The following ERP27 variants were observed in gnomAD, a reference collection of about 807,000 sequenced individuals.
ERP27 encodes endoplasmic reticulum protein 27.
A neutral mutation model predicts 27.7 loss-of-function variants in ERP27; 23 were observed. That is an observed-to-expected ratio of 0.83 (90% CI 0.60 to 1.18). The LOEUF is 1.18. ERP27 is among the 50% of genes most tolerant of loss of function. The probability of loss-of-function intolerance (pLI) is 0.00; values close to 1 mark genes in which losing one functional copy is unlikely to be tolerated. For missense variants in ERP27, 363 were observed against 327.9 expected (o/e 1.11, Z -0.83); for synonymous variants, 159 against 118.3 (o/e 1.34, Z -2.23).
At chr12:14,931,588 A>G (rs1297239431) in intron 3 of ERP27, among the ~76,000 whole-genome samples, 2 of 152,190 alleles carry the variant, frequency 1.3e-5, no homozygotes, top group Non-Finnish European at 2.9e-5. Context: ...CCAAGAGTTC[A>G]TTTAGACTAG....
chr12:14,926,163 A>G (rs1863599381), intron 3 of ERP27, among the ~76,000 whole-genome samples: 1 of 152,246 alleles, frequency 6.6e-6, no homozygotes, highest in Admixed American at 6.5e-5. Flanking sequence ...TAGTATCAGT[A>G]CATGTATTTG....
chr12:14,915,275 T>C (rs1339302920), intron 6 of ERP27, among the ~76,000 whole-genome samples: 1 of 152,208 alleles, frequency 6.6e-6, no homozygotes, highest in Non-Finnish European at 1.5e-5. Context: ...TCTACTCTTC[T>C]AGCTATTTGA....
chr12:14,924,017 C>A (rs1267596323), intron 3 of ERP27, among the ~76,000 whole-genome samples: 2 of 152,202 alleles, frequency 1.3e-5, no homozygotes, highest in Non-Finnish European at 2.9e-5. Flanking sequence ...CCTCTTCCCT[C>A]TTCCATCACC....
At chr12:14,921,984 G>T (rs1032510965) in intron 3 of ERP27, among the ~76,000 whole-genome samples, 5 of 152,156 alleles carry the variant, frequency 3.3e-5, no homozygotes, top group African/African-American at 1.2e-4. Context: ...GCATGTAGCT[G>T]TAGTTTGTTC....
chr12:14,920,494 T>G (rs930651167), intron 4 of ERP27, among the ~76,000 whole-genome samples: 3 of 152,178 alleles, frequency 2.0e-5, no homozygotes, highest in African/African-American at 4.8e-5. Flanking sequence ...TGTCTTTCAT[T>G]TATTCTTATT....
chr12:14,930,382 T>G (rs891896926), intron 3 of ERP27, among the ~76,000 whole-genome samples: 1 of 152,166 alleles, frequency 6.6e-6, no homozygotes, highest in Non-Finnish European at 1.5e-5. Context: ...ACTATCCCAT[T>G]AGGTCAAAGT....
intron 2 of ERP27, among the ~76,000 whole-genome samples, chr12:14,937,156 T>A (rs4764139): frequency 0.34 from 51,033 of 152,148 alleles, 8,888 homozygotes; most frequent in Middle Eastern, 0.43. Context: ...TGAAAAATGT[T>A]GTCCCTGTCT....
At chr12:14,936,938 G>T (rs1041927675) in intron 2 of ERP27, among the ~76,000 whole-genome samples, 4 of 152,138 alleles carry the variant, frequency 2.6e-5, no homozygotes, top group African/African-American at 9.7e-5. Context: ...CAAGCAGAGG[G>T]AGCTGGTATC....
chr12:14,923,557 G>A (rs1223678060), intron 3 of ERP27, among the ~76,000 whole-genome samples: 1 of 145,492 alleles, frequency 6.9e-6, no homozygotes, highest in Non-Finnish European at 1.5e-5. Flanking sequence ...TCTCCTGTTG[G>A]TTCTCTTTTT....
chr12:14,917,738 T>C (rs1863434474), intron 4 of ERP27, among the ~76,000 whole-genome samples: 1 of 152,170 alleles, frequency 6.6e-6, no homozygotes, highest in South Asian at 2.1e-4. Flanking sequence ...GAGGGAGCCA[T>C]CTTGGAAGCA....
chr12:14,933,536 C>T (rs1407629133), intron 3 of ERP27, among the ~76,000 whole-genome samples: 2 of 151,722 alleles, frequency 1.3e-5, no homozygotes, highest in Admixed American at 6.6e-5. Context: ...AAAGACAGTA[C>T]AAAATACACT....
At chr12:14,917,367 G>A in intron 4 of ERP27, 64 bp from the exon 5 acceptor site, 2 of 1,605,732 alleles carry the variant, frequency 1.2e-6, no homozygotes, top group African/African-American at 1.3e-5. Flanking sequence ...TACCTGGGAA[G>A]GAGTGAATAG....
chr12:14,928,226 C>G (rs893801579), intron 3 of ERP27, among the ~76,000 whole-genome samples: 3 of 152,158 alleles, frequency 2.0e-5, no homozygotes, highest in African/African-American at 7.2e-5. Flanking sequence ...CCCCAAGGTA[C>G]TTTCTCCTAG....
chr12:14,917,966 T>C (rs551653677), intron 4 of ERP27, among the ~76,000 whole-genome samples: 9 of 152,334 alleles, frequency 5.9e-5, no homozygotes, highest in Admixed American at 2.6e-4. Flanking sequence ...ATGTAACATA[T>C]TAGTCACTTT....
intron 3 of ERP27, among the ~76,000 whole-genome samples, chr12:14,925,930 A>T (rs1240004686): frequency 3.3e-5 from 5 of 152,090 alleles, no homozygotes; most frequent in African/African-American, 1.2e-4. Flanking sequence ...TTAGCCGGGC[A>T]TGGTGGCATG....
intron 2 of ERP27, 89 bp downstream of exon 2, chr12:14,937,862 AG>A: frequency 9.7e-7 from 1 of 1,026,430 alleles, no homozygotes; most frequent in South Asian, 1.4e-5. Context: ...CTTCTAATGC[AG>A]TGCCATCTGC....
At chr12:14,917,417 C>G (rs1274272186) in intron 4 of ERP27, 114 bp from the exon 5 acceptor site, 4 of 1,387,636 alleles carry the variant, frequency 2.9e-6, no homozygotes, top group African/African-American at 1.4e-5. Flanking sequence ...ACTGGTAACA[C>G]AAATGGAACT....
Position 14,914,519 on chromosome 12 carries a change from A to G in ERP27, c.*216T>C. 7 of 528,506 alleles carry G rather than the reference A, an allele frequency of 1.3e-5. No homozygotes were observed. Among genetic ancestry groups the G allele is most frequent in the Non-Finnish European group, 2.3e-5 (7 of 300,392 alleles). The allele number at this position is 528,506 out of a possible 1,614,324, so 32.7% of individuals were successfully genotyped here. On this transcript the variant is annotated 3_prime_UTR_variant, in exon 7 of 7. Coordinates refer to ENST00000266397, the MANE Select transcript of ERP27 (RefSeq NM_152321.4). ...TGAGGATATGAAATTTAAAAGAAGG[A>G]AGAAGAGAAAACGAGATTTTAAGAC...
intron 4 of ERP27, among the ~76,000 whole-genome samples, chr12:14,920,030 A>G (rs1168807097): frequency 1.3e-5 from 2 of 152,236 alleles, no homozygotes; most frequent in Non-Finnish European, 2.9e-5. Context: ...CCATGCATGT[A>G]AAGAACTGGT....
Sources: gnomAD v4.1 joint callset for allele counts (sites outside exome capture counted in the v4.1 genomes callset) on GRCh38, gnomAD v4.1.1 for gene constraint, MANE v1.5 for transcripts, NCBI Gene and HGNC (gene_info 2026-07-23, HGNC 2026-07-21) for gene names.